Variants in DMRT1 observed in about 807,000 individuals in gnomAD.
DMRT1 encodes the protein doublesex- and mab-3-related transcription factor 1.
DMRT1 carries 7 observed loss-of-function variants against 32.3 expected under a neutral mutation model. The ratio of observed to expected loss-of-function variants is 0.22; its 90% CI spans 0.12 to 0.41. The LOEUF (loss-of-function observed/expected upper bound fraction) is 0.41, where lower values mean the gene tolerates loss of function less well. Among genes scored for constraint, DMRT1 ranks in the 10% least tolerant of loss-of-function variants. The pLI, the probability that DMRT1 is intolerant of heterozygous loss-of-function variation, is 1.00. For synonymous variants in DMRT1, 278 were observed against 206.1 expected, an observed-to-expected ratio of 1.35 and a Z score of -2.99; for missense variants, 625 against 500.5, an observed-to-expected ratio of 1.25 and a Z score of -2.37.
intron 3 of DMRT1, among the ~76,000 whole-genome samples, chr9:895,203 C>T (rs946290172): frequency 8.5e-5 from 13 of 152,198 alleles, no homozygotes; most frequent in Admixed American, 4.6e-4. Context: ...GAGAAGGGAG[C>T]GTTTATCTAG....
intron 4 of DMRT1, among the ~76,000 whole-genome samples, chr9:958,427 C>T (rs575498480): frequency 5.9e-5 from 9 of 152,262 alleles, no homozygotes; most frequent in East Asian, 5.8e-4. Flanking sequence ...AGTGCAATGG[C>T]GTGATCTCAG....
At chr9:884,798 C>T (rs1015947820) in intron 2 of DMRT1, among the ~76,000 whole-genome samples, 1 of 152,010 alleles carries the variant, frequency 6.6e-6, no homozygotes, top group Non-Finnish European at 1.5e-5. Context: ...GGTGAAACCC[C>T]GTCTCTACTA....
At chr9:900,370 G>GC (rs34936546) in intron 3 of DMRT1, among the ~76,000 whole-genome samples, 2 of 151,860 alleles carry the variant, frequency 1.3e-5, no homozygotes, top group African/African-American at 4.8e-5. Flanking sequence ...TTTTCCCACT[G>GC]CCCCCCCTTT....
At chr9:869,251 G>A (rs1448718943) in intron 2 of DMRT1, among the ~76,000 whole-genome samples, 4 of 152,050 alleles carry the variant, frequency 2.6e-5, no homozygotes, top group African/African-American at 9.7e-5. Context: ...TTTCCCTATG[G>A]TGACATGCAA....
chr9:874,561 G>A (rs1274200239), intron 2 of DMRT1, among the ~76,000 whole-genome samples: 1 of 152,132 alleles, frequency 6.6e-6, no homozygotes, highest in African/African-American at 2.4e-5. Flanking sequence ...GATGGCAACT[G>A]CCATAAACTC....
intron 2 of DMRT1, among the ~76,000 whole-genome samples, chr9:850,745 C>T (rs571472233): frequency 6.6e-6 from 1 of 150,914 alleles, no homozygotes; most frequent in Non-Finnish European, 1.5e-5. Context: ...AGATGTGAGG[C>T]CAGCCAGGCG....
chr9:936,525 G>T lies in DMRT1; in HGVS notation c.967+19618G>T, dbSNP rs150028390. On this transcript the variant is annotated intron_variant, in intron 4 of 4. Coordinates refer to ENST00000382276, the MANE Select transcript of DMRT1 (RefSeq NM_021951.3). ...CTAGAACTTTGGGAGGCTGAGGCAGGTGGATCACCTGAGGTCAGGAGTTCG... is the reference window on the plus strand; with the variant it reads ...CTAGAACTTTGGGAGGCTGAGGCAGTTGGATCACCTGAGGTCAGGAGTTCG... 6.0e-3 allele frequency among the ~76,000 whole-genome samples: 916 copies of T among 152,188 alleles called. 9 individuals are homozygous for T. The highest frequency in any genetic ancestry group is 0.021 in the African/African-American group (853 of 41,500).
chr9:937,262 G>A (rs1326913145), intron 4 of DMRT1, among the ~76,000 whole-genome samples: 1 of 152,144 alleles, frequency 6.6e-6, no homozygotes, highest in Admixed American at 6.5e-5. Flanking sequence ...TGGGCACTTG[G>A]GTTTCCACCC....
intron 2 of DMRT1, among the ~76,000 whole-genome samples, chr9:865,605 A>T (rs1223446139): frequency 6.6e-6 from 1 of 152,204 alleles, no homozygotes; most frequent in Non-Finnish European, 1.5e-5. Context: ...CTGTAGCAAT[A>T]AACAAGTTTT....
At chr9:922,408 C>G (rs1818384029) in intron 4 of DMRT1, among the ~76,000 whole-genome samples, 1 of 152,142 alleles carries the variant, frequency 6.6e-6, no homozygotes, top group Non-Finnish European at 1.5e-5. Flanking sequence ...GTAGTGGGAA[C>G]AGCTTTGAAA....
chr9:857,676 G>C lies in DMRT1; in HGVS notation c.538+10533G>C, dbSNP rs1040252283. ...GTTTTAGGGTACATGTGCACAACGTGCAGGTTAGTTACATATGTATACATG... is the reference window on the plus strand; with the variant it reads ...GTTTTAGGGTACATGTGCACAACGTCCAGGTTAGTTACATATGTATACATG... On this transcript the variant is annotated intron_variant, in intron 2 of 4. Transcript: ENST00000382276. Among the ~76,000 whole-genome samples, 4 of 151,614 alleles carry C rather than the reference G, an allele frequency of 2.6e-5. No homozygotes were observed. In the East Asian group the frequency reaches 7.7e-4, roughly 29 times the overall value.
intron 2 of DMRT1, among the ~76,000 whole-genome samples, chr9:872,632 G>A (rs147395867): frequency 3.9e-5 from 6 of 152,282 alleles, no homozygotes; most frequent in African/African-American, 1.2e-4. Context: ...AGGTTCATCC[G>A]TGTTGTAGCA....
At chr9:915,046 G>T (rs892041154) in intron 3 of DMRT1, among the ~76,000 whole-genome samples, 2 of 152,178 alleles carry the variant, frequency 1.3e-5, no homozygotes, top group Non-Finnish European at 2.9e-5. Context: ...TAAAATACTT[G>T]ATTGAAAAAC....
chr9:951,092 T>C (rs1819412809), intron 4 of DMRT1, among the ~76,000 whole-genome samples: 1 of 152,180 alleles, frequency 6.6e-6, no homozygotes, highest in Non-Finnish European at 1.5e-5. Context: ...CTAATGGAAA[T>C]AATTAAAAGT....
At chr9:847,264 A>G (rs749063711) in intron 2 of DMRT1, 121 bp downstream of exon 2, 1 of 1,114,458 alleles carries the variant, frequency 9.0e-7, no homozygotes, top group Non-Finnish European at 1.3e-6. Context: ...AGGATTCTGT[A>G]GAGGATTCTC....
chr9:899,631 G>A (rs1204423804), intron 3 of DMRT1, among the ~76,000 whole-genome samples: 1 of 152,224 alleles, frequency 6.6e-6, no homozygotes, highest in Non-Finnish European at 1.5e-5. Flanking sequence ...TGAATGGCTG[G>A]TTCCGCTGAC....
chr9:842,949 T>G (rs1398091284), intron 1 of DMRT1: 1 of 152,224 alleles, frequency 6.6e-6, no homozygotes, highest in Non-Finnish European at 1.5e-5. Context: ...GCTCCCGCCC[T>G]CCGAGGTGAG....
intron 2 of DMRT1, among the ~76,000 whole-genome samples, chr9:884,694 G>A (rs1816856978): frequency 2.0e-5 from 3 of 152,212 alleles, no homozygotes; most frequent in Admixed American, 2.0e-4. Flanking sequence ...CATCTGGCCA[G>A]GTGCGGTGGC....
chr9:848,439 T>A (rs936489410), intron 2 of DMRT1, among the ~76,000 whole-genome samples: 31 of 152,218 alleles, frequency 2.0e-4, no homozygotes, highest in Non-Finnish European at 3.7e-4. Context: ...TTGTGTATTT[T>A]ACTGAAGTTA....
Sources: allele counts gnomAD v4.1 joint callset (sites outside exome capture counted in the v4.1 genomes callset), GRCh38; gene constraint gnomAD v4.1.1; transcripts MANE v1.5; gene names NCBI Gene and HGNC (gene_info 2026-07-23, HGNC 2026-07-21).